DAPK2: variants seen among roughly 807,000 people sequenced by gnomAD.
DAPK2 encodes the protein death-associated protein kinase 2.
In DAPK2, 35 loss-of-function variants were observed where a neutral mutation model predicts 44.1. The ratio of observed to expected loss-of-function variants is 0.79; its 90% CI spans 0.61 to 1.05. The LOEUF is 1.05. DAPK2 is among the 50% of genes least tolerant of loss of function. The pLI is 0.00. For synonymous variants in DAPK2, 174 were observed against 182.6 expected, an observed-to-expected ratio of 0.95 and a Z score of 0.38; for missense variants, 453 against 483.2, an observed-to-expected ratio of 0.94 and a Z score of 0.59.
chr15:63,980,789 AC>A lies in DAPK2; in HGVS notation c.314+2743del, dbSNP rs2078481963. 3.2e-5 allele frequency among the ~76,000 whole-genome samples: 2 copies of A among 61,924 alleles called. No homozygotes were observed. The highest frequency in any genetic ancestry group is 4.9e-4 in the Admixed American group (2 of 4,084). 40.6% of individuals were successfully genotyped at this position (61,924 alleles called of 152,430 possible). A position where few individuals can be genotyped will look rare whatever the true frequency, so the allele number is the denominator to read the frequency against. ...CAATGCGGCCGTATTAGGCAGTGGG[AC>A]CTTTAAGACGTGATTGGGTCGGGGT... On this transcript the variant is annotated intron_variant, in intron 2 of 10. Transcript: ENST00000261891. This position sits in a 1 kb window ranked among gnomAD's most constrained non-coding sequence, Gnocchi z 4.3.
At chr15:64,012,928 A>T (rs1482550885) in intron 1 of DAPK2, among the ~76,000 whole-genome samples, 1 of 152,262 alleles carries the variant, frequency 6.6e-6, no homozygotes, top group Admixed American at 6.5e-5. Flanking sequence ...GAATATATTT[A>T]TATAGGGAAT....
chr15:63,915,812 C>T (rs1282480480), intron 8 of DAPK2, among the ~76,000 whole-genome samples: 4 of 152,210 alleles, frequency 2.6e-5, no homozygotes, highest in Non-Finnish European at 5.9e-5. Context: ...ATGGGCCTTC[C>T]TGGTTGTTAA....
chr15:64,009,871 C>T (rs1049706891), intron 1 of DAPK2, among the ~76,000 whole-genome samples: 1 of 152,246 alleles, frequency 6.6e-6, no homozygotes, highest in East Asian at 1.9e-4. Flanking sequence ...CTCAAGACTT[C>T]GAGGTGGTTA....
upstream of DAPK2, chr15:64,040,347 G>A: frequency 1.9e-6 from 2 of 1,053,244 alleles, no homozygotes; most frequent in Non-Finnish European, 3.0e-6. Context: ...AAACGTAATT[G>A]GCTGCAAGGG....
At chr15:63,968,428 C>A (rs2078115710) in intron 3 of DAPK2, among the ~76,000 whole-genome samples, 1 of 152,196 alleles carries the variant, frequency 6.6e-6, no homozygotes, top group Non-Finnish European at 1.5e-5. Context: ...TCCAGGTTAG[C>A]CCCGGAGCCT....
At chr15:63,927,430 T>C (rs1037128723) in intron 6 of DAPK2, among the ~76,000 whole-genome samples, 4 of 152,234 alleles carry the variant, frequency 2.6e-5, no homozygotes, top group African/African-American at 9.6e-5. Flanking sequence ...CCAGTTCAAA[T>C]TGATCCATCA....
At chr15:64,030,871 G>A (rs765648338) in intron 1 of DAPK2, among the ~76,000 whole-genome samples, 23 of 152,082 alleles carry the variant, frequency 1.5e-4, no homozygotes, top group Admixed American at 3.3e-4. Flanking sequence ...AGGAAGCTGA[G>A]GCGGGAGGAT....
chr15:64,008,908 G>A (rs1173259237), intron 1 of DAPK2, among the ~76,000 whole-genome samples: 1 of 152,096 alleles, frequency 6.6e-6, no homozygotes, highest in Non-Finnish European at 1.5e-5. Context: ...CATCACCAAG[G>A]GCCTTACAGA....
In DAPK2 at chr15:63,929,394, C is replaced by G. The variant is rs951398251; in HGVS notation, c.659+157G>C. ...CCAGGGTCAGATGGATGAAATGGACCTACAGCACTTAGCCTCAGGCTTGCT... is the reference window on the plus strand; with the variant it reads ...CCAGGGTCAGATGGATGAAATGGACGTACAGCACTTAGCCTCAGGCTTGCT... On this transcript the variant is annotated intron_variant, in intron 6 of 10. Transcript: ENST00000261891. 2.1e-5 allele frequency: 19 copies of G among 885,876 alleles called. No homozygotes were observed. In the African/African-American group the frequency reaches 3.0e-4, roughly 14 times the overall value. The allele number at this position is 885,876 out of a possible 1,614,324, so 54.9% of individuals were successfully genotyped here. A position where few individuals can be genotyped will look rare whatever the true frequency, so the allele number is the denominator to read the frequency against.
At chr15:64,026,363 C>T (rs950352814) in intron 1 of DAPK2, among the ~76,000 whole-genome samples, 4 of 152,144 alleles carry the variant, frequency 2.6e-5, no homozygotes, top group African/African-American at 9.7e-5. Flanking sequence ...CCCACCTCAG[C>T]CCCCCAGGTA....
chr15:63,914,637 T>C (rs1337454951), intron 8 of DAPK2, among the ~76,000 whole-genome samples: 1 of 152,138 alleles, frequency 6.6e-6, no homozygotes, highest in Non-Finnish European at 1.5e-5. Context: ...CACGAGCTCA[T>C]GGAGACCCTC....
chr15:63,997,754 C>A (rs1163544344), intron 1 of DAPK2, among the ~76,000 whole-genome samples: 1 of 152,194 alleles, frequency 6.6e-6, no homozygotes, highest in Admixed American at 6.5e-5. Context: ...ATGGCCCACA[C>A]TGGAGTCAAA....
intron 1 of DAPK2, among the ~76,000 whole-genome samples, chr15:64,036,335 A>ATATATATG (rs2080203602): frequency 1.4e-5 from 1 of 69,814 alleles, no homozygotes; most frequent in South Asian, 3.6e-4. Context: ...ATATATATAT[A>ATATATATG]TACATATATA....
intron 8 of DAPK2, among the ~76,000 whole-genome samples, chr15:63,915,420 C>A (rs1157253037): frequency 6.6e-6 from 1 of 152,244 alleles, no homozygotes; most frequent in Non-Finnish European, 1.5e-5. Context: ...TTGAGCCTAA[C>A]CCTCACAGGG....
chr15:64,018,649 A>G (rs1382295486), intron 1 of DAPK2, among the ~76,000 whole-genome samples: 1 of 152,206 alleles, frequency 6.6e-6, no homozygotes, highest in African/African-American at 2.4e-5. Flanking sequence ...TGAGGAAGGC[A>G]GACACACCCA....
chr15:64,035,077 A>C (rs2080140862), intron 1 of DAPK2, among the ~76,000 whole-genome samples: 1 of 152,090 alleles, frequency 6.6e-6, no homozygotes, highest in South Asian at 2.1e-4. Flanking sequence ...CTGAGGCAGG[A>C]GAATCGCTTG....
intron 6 of DAPK2, 109 bp from the exon 8 acceptor site, chr15:63,926,202 C>G (rs1385591477): frequency 7.9e-7 from 1 of 1,263,628 alleles, no homozygotes; most frequent in Non-Finnish European, 1.1e-6. Flanking sequence ...CTGGAAGGCT[C>G]CCAGCAACAC....
In DAPK2 at chr15:63,980,120, C is replaced by T. The variant is rs1284715087; in HGVS notation, c.314+3413G>A. 1.3e-5 allele frequency among the ~76,000 whole-genome samples: 2 copies of T among 152,054 alleles called. No homozygotes were observed. The highest frequency in any genetic ancestry group is 2.4e-5 in the African/African-American group (1 of 41,394). ...AGTGAAGGGGGAGACAGAAACGGGA[C>T]AGAACTTAATAAGCACAGAGGCCCA... On this transcript the variant is annotated intron_variant, in intron 2 of 10. Coordinates refer to ENST00000261891, the Ensembl canonical transcript of DAPK2. The surrounding 1 kb of genome is among the most constrained non-coding windows in gnomAD (Gnocchi z 4.3).
chr15:63,947,169 C>G (rs1278391121), intron 3 of DAPK2, among the ~76,000 whole-genome samples: 1 of 152,170 alleles, frequency 6.6e-6, no homozygotes, highest in Non-Finnish European at 1.5e-5. Context: ...TCCTGACAAG[C>G]TCCTTCTCCC....
Sources: allele counts gnomAD v4.1 joint callset (sites outside exome capture counted in the v4.1 genomes callset), GRCh38; gene constraint gnomAD v4.1.1; non-coding constraint Gnocchi (gnomAD v3.1); transcripts MANE v1.5; gene names NCBI Gene and HGNC (gene_info 2026-07-23, HGNC 2026-07-21).